Variants in NALF1 observed in about 807,000 individuals in gnomAD.
NALF1 encodes the protein NALCN channel auxiliary factor 1.
Under a neutral mutation model 48.4 loss-of-function variants are expected in NALF1, and 3 were observed. The ratio of observed to expected loss-of-function variants is 0.06; its 90% CI spans 0.03 to 0.16. The LOEUF is 0.16. NALF1 is among the 10% of genes least tolerant of loss of function. The pLI, the probability that NALF1 is intolerant of heterozygous loss-of-function variation, is 1.00. For missense variants in NALF1, 526 were observed against 571.5 expected (o/e 0.92, Z 0.81); for synonymous variants, 262 against 245.7 (o/e 1.07, Z -0.62).
chr13:107,477,730 T>A (rs1347415783), intron 1 of NALF1, among the ~76,000 whole-genome samples: 1 of 152,040 alleles, frequency 6.6e-6, no homozygotes, highest in African/African-American at 2.4e-5. Context: ...TATTTTAGGA[T>A]TGATTAGGGC....
At chr13:107,652,331 T>A (rs1880469188) in intron 1 of NALF1, among the ~76,000 whole-genome samples, 4 of 152,230 alleles carry the variant, frequency 2.6e-5, no homozygotes, top group African/African-American at 7.2e-5. Context: ...ATGTGCTTAA[T>A]GACTTTTAAC....
At chr13:107,699,310 A>C (rs1881766036) in intron 1 of NALF1, among the ~76,000 whole-genome samples, 1 of 152,172 alleles carries the variant, frequency 6.6e-6, no homozygotes, top group South Asian at 2.1e-4. Flanking sequence ...TACATTACTG[A>C]GAACTGGACT....
chr13:107,305,428 C>G (rs570458483), intron 1 of NALF1, among the ~76,000 whole-genome samples: 9 of 152,186 alleles, frequency 5.9e-5, no homozygotes, highest in African/African-American at 2.2e-4. Flanking sequence ...TATCCACAAA[C>G]TTTTTTTTAA....
Position 107,272,466 on chromosome 13 carries a change from G to A in NALF1, c.916-61711C>T, listed in dbSNP as rs1881196746. Among the ~76,000 whole-genome samples, 2 of 15,170 alleles carry A rather than the reference G, an allele frequency of 1.3e-4. 1 individual carries two copies. Among genetic ancestry groups the A allele is most frequent in the African/African-American group, 2.5e-4 (2 of 8,004 alleles). 10.0% of individuals were successfully genotyped at this position (15,170 alleles called of 152,430 possible). ...CCTGACCTCATGATCCACCCGCCTC[G>A]GCCTCCCAAAGTGCTGGGATTACAG... On this transcript the variant is annotated intron_variant, in intron 1 of 2. Transcript: ENST00000375915.
chr13:107,844,838 G>T (rs1880130135), intron 1 of NALF1, among the ~76,000 whole-genome samples: 1 of 152,076 alleles, frequency 6.6e-6, no homozygotes, highest in Non-Finnish European at 1.5e-5. Context: ...ATGACCTTAG[G>T]GATAGGCGTT....
intron 1 of NALF1, among the ~76,000 whole-genome samples, chr13:107,214,245 G>A (rs554451416): frequency 1.4e-4 from 22 of 152,234 alleles, no homozygotes; most frequent in Middle Eastern, 3.4e-3. Flanking sequence ...TGGTGGCACC[G>A]GGCTAGAAGA....
At chr13:107,232,187 T>A (rs1436398518) in intron 1 of NALF1, among the ~76,000 whole-genome samples, 1 of 152,152 alleles carries the variant, frequency 6.6e-6, no homozygotes, top group Non-Finnish European at 1.5e-5. Flanking sequence ...AAAGCCAAGG[T>A]AATTAGGTAG....
chr13:107,832,196 C>T (rs1413009251), intron 1 of NALF1, among the ~76,000 whole-genome samples: 1 of 151,766 alleles, frequency 6.6e-6, no homozygotes, highest in East Asian at 1.9e-4. Context: ...GATATTCAAT[C>T]CTATTATTCT....
chr13:107,725,212 T>C (rs1391290656), intron 1 of NALF1, among the ~76,000 whole-genome samples: 1 of 152,238 alleles, frequency 6.6e-6, no homozygotes, highest in Non-Finnish European at 1.5e-5. Context: ...TTCCTCTGTA[T>C]TTCTCTCTTC....
At chr13:107,816,935 A>G (rs907974235) in intron 1 of NALF1, among the ~76,000 whole-genome samples, 1 of 152,214 alleles carries the variant, frequency 6.6e-6, no homozygotes, top group African/African-American at 2.4e-5. Flanking sequence ...ACTTCATTTT[A>G]TCATTTCACC....
At chr13:107,493,329 C>T (rs901750133) in intron 1 of NALF1, among the ~76,000 whole-genome samples, 2 of 152,082 alleles carry the variant, frequency 1.3e-5, no homozygotes, top group Non-Finnish European at 2.9e-5. Context: ...AGTGCCTTTT[C>T]CTGTACATCG....
At chr13:107,208,429 T>A (rs1229165459) in intron 2 of NALF1, among the ~76,000 whole-genome samples, 1 of 152,220 alleles carries the variant, frequency 6.6e-6, no homozygotes, top group Non-Finnish European at 1.5e-5. Flanking sequence ...GAGATTTAAT[T>A]CTACCCTGGC....
At chr13:107,268,833 C>T (rs913689081) in intron 1 of NALF1, among the ~76,000 whole-genome samples, 1 of 152,118 alleles carries the variant, frequency 6.6e-6, no homozygotes, top group Non-Finnish European at 1.5e-5. Context: ...GTAGGGAGAA[C>T]AACAGGGTAG....
intron 1 of NALF1, among the ~76,000 whole-genome samples, chr13:107,258,026 A>C (rs1880855208): frequency 6.6e-6 from 1 of 152,216 alleles, no homozygotes; most frequent in African/African-American, 2.4e-5. Context: ...CAAATATATA[A>C]GTGAGTCCAG....
Position 107,663,484 on chromosome 13 carries a change from TCAA to T in NALF1, c.915+202195_915+202197del, listed in dbSNP as rs765627724. ...AGGTTAAAAAGACCTTTAAAGATCTTCAAAGCAGAAAACCCTGCAGAAGCCTGT... is the reference window on the plus strand; with the variant it reads ...AGGTTAAAAAGACCTTTAAAGATCTTAGCAGAAAACCCTGCAGAAGCCTGT... On this transcript the variant is annotated intron_variant, in intron 1 of 2. Coordinates refer to ENST00000375915, the MANE Select transcript of NALF1 (RefSeq NM_001080396.3). Among the ~76,000 whole-genome samples the T allele has an allele frequency of 1.4e-3, 214 of 152,306 alleles. 4 individuals are homozygous for T. The highest frequency in any genetic ancestry group is 1.7e-3 in the Non-Finnish European group (118 of 68,016).
Position 107,165,889 on chromosome 13 carries a change from T to G in NALF1, c.*4608A>C, listed in dbSNP as rs893897635. On this transcript the variant is annotated 3_prime_UTR_variant, in exon 3 of 3. Transcript: ENST00000375915. The stretch of plus-strand genomic sequence containing the variant: ...GTTTCCCTTGTCAAAGTAGATATGG[T>G]TTTTAAATGACCATGCTGCTCTAAC... 6.6e-6 allele frequency: 1 copy of G among 152,032 alleles called. No individual in the cohort carries two copies. Among genetic ancestry groups the G allele is most frequent in the Admixed American group, 6.5e-5 (1 of 15,268 alleles). 9.4% of individuals were successfully genotyped at this position (152,032 alleles called of 1,614,324 possible).
intron 1 of NALF1, among the ~76,000 whole-genome samples, chr13:107,262,769 G>GCGCTCTCTCTCTCTCTCTCT (rs36027059): frequency 2.8e-5 from 4 of 144,034 alleles, no homozygotes; most frequent in African/African-American, 1.1e-4. Flanking sequence ...ACCCACAGGC[G>GCGCTCTCTCTCTCTCTCTCT]CTCTCTCTCT....
chr13:107,386,132 G>A (rs979640808), intron 1 of NALF1, among the ~76,000 whole-genome samples: 1 of 152,096 alleles, frequency 6.6e-6, no homozygotes, highest in Non-Finnish European at 1.5e-5. Context: ...TCCTTTACAT[G>A]TTTTGTCTTT....
intron 1 of NALF1, among the ~76,000 whole-genome samples, chr13:107,586,634 G>GTTTTTTTTTTTTTTTTTTTTTTTTTTT (rs1403213630): frequency 1.8e-4 from 1 of 5,666 alleles, no homozygotes; most frequent in African/African-American, 6.1e-4. Context: ...CCCCTATGGA[G>GTTTTTTTTTTTTTTTTTTTTTTTTTTT]ATTTTTTTTT....
Sources: allele counts gnomAD v4.1 joint callset (sites outside exome capture counted in the v4.1 genomes callset), GRCh38; gene constraint gnomAD v4.1.1; transcripts MANE v1.5; gene names NCBI Gene and HGNC (gene_info 2026-07-23, HGNC 2026-07-21).